Variants in ADGRL2 observed in about 807,000 individuals in gnomAD.
The protein encoded by ADGRL2 is adhesion G protein-coupled receptor L2.
In ADGRL2, 44 loss-of-function variants were observed where a neutral mutation model predicts 157.4. The observed-to-expected ratio is 0.28, with a 90% confidence interval of 0.22 to 0.36. The LOEUF is 0.36. Among genes scored for constraint, ADGRL2 ranks in the 10% least tolerant of loss-of-function variants. The probability of loss-of-function intolerance (pLI) is 1.00; values close to 1 mark genes in which losing one functional copy is unlikely to be tolerated. For missense variants in ADGRL2, 1,510 were observed against 1,768.9 expected (o/e 0.85, Z 2.63); for synonymous variants, 585 against 624.7 (o/e 0.94, Z 0.95).
chr1:81,642,358 T>G (rs190031475), intron 3 of ADGRL2, among the ~76,000 whole-genome samples: 1 of 150,796 alleles, frequency 6.6e-6, no homozygotes, highest in Admixed American at 6.6e-5. Flanking sequence ...AGGCAGAGGT[T>G]GCAGTGAGCT....
intron 3 of ADGRL2, among the ~76,000 whole-genome samples, chr1:81,911,841 G>A (rs1324774299): frequency 6.6e-6 from 1 of 151,282 alleles, no homozygotes; most frequent in African/African-American, 2.4e-5. Context: ...ATTGTAGTAA[G>A]GTGTATTTTG....
intron 1 of ADGRL2, among the ~76,000 whole-genome samples, chr1:81,353,494 G>A (rs375184373): frequency 1.3e-5 from 2 of 152,104 alleles, no homozygotes; most frequent in Admixed American, 6.6e-5. Context: ...GCTCCACTAC[G>A]GCTGCAAATG....
intron 1 of ADGRL2, among the ~76,000 whole-genome samples, chr1:81,335,037 C>T (rs147484247): frequency 1.3e-5 from 2 of 152,234 alleles, no homozygotes; most frequent in East Asian, 3.9e-4. Context: ...TGAAACTAAC[C>T]ATCACAAATT....
intron 3 of ADGRL2, among the ~76,000 whole-genome samples, chr1:81,674,598 A>G (rs1185796234): frequency 6.6e-6 from 1 of 152,202 alleles, no homozygotes; most frequent in Non-Finnish European, 1.5e-5. Flanking sequence ...TTTGAGAGAA[A>G]ATCAAAGCAA....
intron 1 of ADGRL2, among the ~76,000 whole-genome samples, chr1:81,415,410 A>AT (rs907639018): frequency 8.5e-5 from 13 of 152,222 alleles, no homozygotes; most frequent in Non-Finnish European, 1.6e-4. Context: ...CCATTAATTT[A>AT]TTAAAGAAGT....
intron 2 of ADGRL2, among the ~76,000 whole-genome samples, chr1:81,569,975 G>GC (rs1194521093): frequency 1.3e-5 from 2 of 152,134 alleles, no homozygotes; most frequent in Non-Finnish European, 2.9e-5. Flanking sequence ...TTGGCAGAAA[G>GC]CTCAGTTTCT....
chr1:81,840,461 A>G (rs1183089228), intron 2 of ADGRL2, among the ~76,000 whole-genome samples: 2 of 152,130 alleles, frequency 1.3e-5, no homozygotes, highest in African/African-American at 2.4e-5. Flanking sequence ...TTCCAAATTC[A>G]TAAGGACTTA....
At position 81,951,961 on chromosome 1, in the gene ADGRL2, G is replaced by A. The variant is rs751402495; in HGVS notation, c.1613G>A (p.Arg538Lys). 1 of 1,602,514 alleles carries A rather than the reference G, an allele frequency of 6.2e-7. No homozygotes were observed. The highest frequency in any genetic ancestry group is 1.1e-5 in the South Asian group (1 of 89,060). ...HWVNQLAQKI[R>K]SGENAASLAN... ...TAATACAAATTGTTTTTTCAGATCA[G>A]AAGCGGAGAAAATGCTGCTAGTCTT... Residue 538 changes from arginine (R) to lysine (K), a missense_variant, in exon 9 of 24, where the codon AGA becomes AAA. Transcript: ENST00000686636.
intron 3 of ADGRL2, among the ~76,000 whole-genome samples, chr1:81,663,074 C>G (rs1046603763): frequency 5.0e-5 from 7 of 139,816 alleles, no homozygotes; most frequent in Non-Finnish European, 1.1e-4. Flanking sequence ...CCACCATTCC[C>G]CCTAACACTC....
chr1:81,454,361 A>G (rs1184865377), intron 2 of ADGRL2, among the ~76,000 whole-genome samples: 1 of 152,192 alleles, frequency 6.6e-6, no homozygotes, highest in Non-Finnish European at 1.5e-5. Flanking sequence ...TGGTTTGCTG[A>G]CATTCTTCTC....
At chr1:81,816,432 T>A (rs1053707140) in intron 1 of ADGRL2, among the ~76,000 whole-genome samples, 2 of 151,924 alleles carry the variant, frequency 1.3e-5, no homozygotes, top group South Asian at 2.1e-4. Context: ...TAGAATGTTT[T>A]CTTCAGATGT....
chr1:81,725,582 G>C (rs1265863459), intron 1 of ADGRL2, among the ~76,000 whole-genome samples: 2 of 151,816 alleles, frequency 1.3e-5, no homozygotes, highest in Non-Finnish European at 2.9e-5. Context: ...TTGCATTTGA[G>C]CTTGTGTGTT....
At chr1:81,957,994 C>T (rs575575588) in intron 11 of ADGRL2, among the ~76,000 whole-genome samples, 3 of 148,396 alleles carry the variant, frequency 2.0e-5, no homozygotes, top group Non-Finnish European at 4.5e-5. Context: ...AAACTCGTCT[C>T]TACTAAAAAA....
At chr1:81,668,620 G>A (rs541339232) in intron 3 of ADGRL2, among the ~76,000 whole-genome samples, 1 of 152,176 alleles carries the variant, frequency 6.6e-6, no homozygotes, top group Non-Finnish European at 1.5e-5. Flanking sequence ...CTGGAGTGCA[G>A]TGGTGTGATC....
intron 6 of ADGRL2, among the ~76,000 whole-genome samples, chr1:81,946,570 G>A (rs1177295508): frequency 6.6e-6 from 1 of 151,982 alleles, no homozygotes; most frequent in East Asian, 1.9e-4. Context: ...ATATTATAAA[G>A]AAAATGATGT....
At chr1:81,964,666 C>T (rs1366106678) in intron 11 of ADGRL2, among the ~76,000 whole-genome samples, 1 of 151,726 alleles carries the variant, frequency 6.6e-6, no homozygotes, top group African/African-American at 2.4e-5. Context: ...AATTACTGTA[C>T]AATGGTATGA....
chr1:81,347,311 G>A (rs1330398207), intron 1 of ADGRL2, among the ~76,000 whole-genome samples: 1 of 152,064 alleles, frequency 6.6e-6, no homozygotes, highest in Non-Finnish European at 1.5e-5. Flanking sequence ...TGAGGCAGGA[G>A]AATCGCTTGA....
intron 2 of ADGRL2, chr1:81,514,728 T>C (rs952099450): frequency 6.6e-6 from 1 of 152,202 alleles, no homozygotes; most frequent in African/African-American, 2.4e-5. Flanking sequence ...AAAGTTGATT[T>C]GTCAAGCTTA....
intron 1 of ADGRL2, among the ~76,000 whole-genome samples, chr1:81,817,322 A>C (rs986378299): frequency 2.6e-5 from 4 of 151,892 alleles, no homozygotes; most frequent in Non-Finnish European, 4.4e-5. Context: ...AAATATAAAA[A>C]TTCGGTGGAA....
Sources: allele counts gnomAD v4.1 joint callset (sites outside exome capture counted in the v4.1 genomes callset), GRCh38; gene constraint gnomAD v4.1.1; transcripts MANE v1.5; gene names NCBI Gene and HGNC (gene_info 2026-07-23, HGNC 2026-07-21).